ANO4: variants seen among roughly 807,000 people sequenced by gnomAD.
ANO4 encodes anoctamin 4.
A neutral mutation model predicts 141.9 loss-of-function variants in ANO4; 69 were observed. That is an observed-to-expected ratio of 0.49 (90% confidence interval 0.40 to 0.59). The LOEUF (loss-of-function observed/expected upper bound fraction) is 0.59. Among genes scored for constraint, ANO4 ranks in the 20% least tolerant of loss-of-function variants. The pLI is 0.00. For missense variants in ANO4, 894 were observed against 1,162.2 expected (o/e 0.77, Z 3.36); for synonymous variants, 350 against 394.3 (o/e 0.89, Z 1.33).
At chr12:100,979,200 A>G (rs2044339473) in intron 7 of ANO4, among the ~76,000 whole-genome samples, 1 of 152,230 alleles carries the variant, frequency 6.6e-6, no homozygotes, top group African/African-American at 2.4e-5. Context: ...TCAGCTTCTG[A>G]TGATCAATCA....
At chr12:100,799,073 C>T (rs2034525363) in intron 1 of ANO4, among the ~76,000 whole-genome samples, 1 of 152,180 alleles carries the variant, frequency 6.6e-6, no homozygotes, top group Non-Finnish European at 1.5e-5. Context: ...TATCTTCAAG[C>T]CCCTTGGATT....
intron 1 of ANO4, among the ~76,000 whole-genome samples, chr12:100,846,735 C>T (rs1181803332): frequency 1.3e-5 from 2 of 152,158 alleles, no homozygotes; most frequent in African/African-American, 4.8e-5. Flanking sequence ...CTGGCTATCT[C>T]TCCTGCCACC....
At chr12:100,769,678 C>T (rs1048116169) in intron 3 of ANO4, among the ~76,000 whole-genome samples, 2 of 152,150 alleles carry the variant, frequency 1.3e-5, no homozygotes, top group African/African-American at 2.4e-5. Flanking sequence ...TAGTTAAGTG[C>T]AGATGCATTC....
intron 1 of ANO4, among the ~76,000 whole-genome samples, 198 bp downstream of exon 1, chr12:100,795,225 C>T (rs148540816): frequency 9.9e-4 from 151 of 152,026 alleles, no homozygotes; most frequent in African/African-American, 3.0e-3. Context: ...TTTCCATAAA[C>T]GTGAGCTCTT....
chr12:100,927,179 A>G (rs1175492912), intron 3 of ANO4, among the ~76,000 whole-genome samples: 1 of 152,130 alleles, frequency 6.6e-6, no homozygotes, highest in Non-Finnish European at 1.5e-5. Flanking sequence ...TCTGCTCTTT[A>G]CAAAACTCCT....
At chr12:100,903,214 C>G (rs2136035305) in intron 2 of ANO4, among the ~76,000 whole-genome samples, 1 of 152,306 alleles carries the variant, frequency 6.6e-6, no homozygotes, top group African/African-American at 2.4e-5. Flanking sequence ...GCCAGACTTT[C>G]CTGATGCACC....
chr12:100,967,971 G>A (rs913988275), intron 5 of ANO4, among the ~76,000 whole-genome samples: 1 of 152,174 alleles, frequency 6.6e-6, no homozygotes, highest in Admixed American at 6.5e-5. Context: ...CTGTGGGTGA[G>A]CCACTTGTCA....
intron 2 of ANO4, among the ~76,000 whole-genome samples, chr12:100,734,921 T>C (rs1454700419): frequency 6.6e-6 from 1 of 152,222 alleles, no homozygotes; most frequent in East Asian, 1.9e-4. Flanking sequence ...CAAATAAAAA[T>C]ACAAATTTAC....
chr12:101,109,375 A>C (rs1186803879), intron 22 of ANO4, among the ~76,000 whole-genome samples: 1 of 152,170 alleles, frequency 6.6e-6, no homozygotes, highest in Non-Finnish European at 1.5e-5. Flanking sequence ...AGCCTGGTCA[A>C]CACAGTGAAA....
chr12:100,936,800 C>T (rs568459342), intron 3 of ANO4, among the ~76,000 whole-genome samples: 2 of 152,264 alleles, frequency 1.3e-5, no homozygotes, highest in East Asian at 3.9e-4. Context: ...GTGGGTCTGC[C>T]ATGTGTCAGT....
At chr12:100,989,630 GAT>G (rs2044962372) in intron 8 of ANO4, among the ~76,000 whole-genome samples, 5 of 137,976 alleles carry the variant, frequency 3.6e-5, no homozygotes, top group African/African-American at 1.5e-4. Context: ...TAGATGGATG[GAT>G]GGATGGATGG....
chr12:101,116,850 G>C (rs764427294), intron 25 of ANO4, 52 bp downstream of exon 25: 15 of 1,612,436 alleles, frequency 9.3e-6, no homozygotes, highest in Non-Finnish European at 1.0e-5. Context: ...GCTCCACCGT[G>C]GGGAGGTTTT....
At position 101,104,044 on chromosome 12, in the gene ANO4, CTTA is replaced by C. The variant is rs556805154; in HGVS notation, c.2149+4328_2149+4330del. 1.4e-3 allele frequency among the ~76,000 whole-genome samples: 206 copies of C among 151,884 alleles called. 2 individuals are homozygous for C. Among genetic ancestry groups the C allele is most frequent in the African/African-American group, 4.1e-3 (169 of 41,496 alleles). Reference sequence around the variant, plus strand: ...CAGCGTAAAATTGTTTATATATCTCCTTATTAACTTTTTATGTATCTAGGGTGT... The same window carrying C: ...CAGCGTAAAATTGTTTATATATCTCCTTAACTTTTTATGTATCTAGGGTGT... On this transcript the variant is annotated intron_variant, in intron 22 of 27. Transcript: ENST00000392977.
At chr12:100,919,891 G>A (rs1264827839) in intron 2 of ANO4, among the ~76,000 whole-genome samples, 1 of 151,664 alleles carries the variant, frequency 6.6e-6, no homozygotes, top group African/African-American at 2.4e-5. Flanking sequence ...TGGCCTGTAT[G>A]CTTCCTTTAT....
chr12:101,106,571 G>A (rs1021478081), intron 22 of ANO4, among the ~76,000 whole-genome samples: 2 of 111,102 alleles, frequency 1.8e-5, no homozygotes, highest in African/African-American at 9.4e-5. Flanking sequence ...GTGTGTGTGT[G>A]TGTATATATA....
intron 1 of ANO4, among the ~76,000 whole-genome samples, chr12:100,719,570 G>T (rs1370975136): frequency 6.6e-6 from 1 of 151,254 alleles, no homozygotes; most frequent in East Asian, 2.0e-4. Context: ...TTTTTGCCTG[G>T]AATTTATAGG....
At chr12:100,846,841 T>C (rs949570146) in intron 1 of ANO4, among the ~76,000 whole-genome samples, 4 of 152,198 alleles carry the variant, frequency 2.6e-5, no homozygotes, top group Non-Finnish European at 5.9e-5. Flanking sequence ...ATCTCGTTTC[T>C]ATACATTTTC....
intron 20 of ANO4, 55 bp from the exon 21 acceptor site, chr12:101,097,793 C>T: frequency 6.2e-7 from 1 of 1,605,498 alleles, no homozygotes; most frequent in Middle Eastern, 1.7e-4. Flanking sequence ...ATAAACCAGA[C>T]ACCCTTTCTT....
chr12:100,752,765 C>T (rs2032441823), intron 3 of ANO4, among the ~76,000 whole-genome samples: 1 of 152,194 alleles, frequency 6.6e-6, no homozygotes, highest in Admixed American at 6.5e-5. Flanking sequence ...GTATTCCCTG[C>T]AGTTCTGACA....
Sources: gnomAD v4.1 joint callset for allele counts (sites outside exome capture counted in the v4.1 genomes callset) on GRCh38, gnomAD v4.1.1 for gene constraint, MANE v1.5 for transcripts, NCBI Gene and HGNC (gene_info 2026-07-23, HGNC 2026-07-21) for gene names.